STARD13: variants seen among roughly 807,000 people sequenced by gnomAD.
The protein encoded by STARD13 is StAR related lipid transfer domain containing 13.
Under a neutral mutation model 106.4 loss-of-function variants are expected in STARD13, and 62 were observed. The observed-to-expected ratio is 0.58, with a 90% confidence interval of 0.48 to 0.72. STARD13 has a LOEUF of 0.72. Ranked by LOEUF, STARD13 falls within the 30% of genes least tolerant of loss-of-function variation. The pLI is 0.00. For missense variants in STARD13, 1,387 were observed against 1,424.0 expected, an observed-to-expected ratio of 0.97 and a Z score of 0.42; for synonymous variants, 565 against 553.0, an observed-to-expected ratio of 1.02 and a Z score of -0.31.
chr13:33,636,472 C>T, the STARD13 span, among the ~76,000 whole-genome samples: 1 of 152,068 alleles, frequency 6.6e-6, no homozygotes, highest in Non-Finnish European at 1.5e-5. Flanking sequence ...GATGGGACAC[C>T]AGGGCAATAG....
chr13:33,485,156 A>G, the STARD13 span, among the ~76,000 whole-genome samples: 1 of 152,312 alleles, frequency 6.6e-6, no homozygotes, highest in African/African-American at 2.4e-5. Flanking sequence ...TGCAAATGCA[A>G]TTAGTGGAAA....
chr13:33,433,130 C>T, the STARD13 span, among the ~76,000 whole-genome samples: 11 of 152,136 alleles, frequency 7.2e-5, no homozygotes, highest in Non-Finnish European at 1.0e-4. Flanking sequence ...ATTGATACTT[C>T]GGTGCTTCTG....
intron 1 of STARD13, among the ~76,000 whole-genome samples, chr13:33,307,011 T>G (rs1239434705): frequency 6.6e-6 from 1 of 151,748 alleles, no homozygotes; most frequent in Non-Finnish European, 1.5e-5. Context: ...GAACAGACAT[T>G]TCTCAAAAGA....
At chr13:33,414,071 G>A in the STARD13 span, among the ~76,000 whole-genome samples, 2 of 147,158 alleles carry the variant, frequency 1.4e-5, no homozygotes, top group Middle Eastern at 3.3e-3. Flanking sequence ...AAGGAAACAC[G>A]TAAGATGCTC....
At chr13:33,145,663 C>T (rs1466742141) in intron 3 of STARD13, among the ~76,000 whole-genome samples, 4 of 152,030 alleles carry the variant, frequency 2.6e-5, no homozygotes, top group African/African-American at 9.7e-5. Flanking sequence ...GTGGTATATC[C>T]ATACAATGGA....
At chr13:33,509,822 C>A in the STARD13 span, among the ~76,000 whole-genome samples, 1 of 152,162 alleles carries the variant, frequency 6.6e-6, no homozygotes, top group East Asian at 1.9e-4. Flanking sequence ...TTTTCAGTGC[C>A]CAAACCCACA....
chr13:33,571,789 C>G, the STARD13 span, among the ~76,000 whole-genome samples: 169 of 152,228 alleles, frequency 1.1e-3, 2 homozygotes, highest in African/African-American at 3.7e-3. Flanking sequence ...TGCTGTTTGA[C>G]TATATGTATA....
chr13:33,284,765 T>C (rs1891972058), intron 1 of STARD13, among the ~76,000 whole-genome samples: 1 of 152,038 alleles, frequency 6.6e-6, no homozygotes, highest in Non-Finnish European at 1.5e-5. Flanking sequence ...TTTAGTAATG[T>C]CCAGACTTCC....
In STARD13 at chr13:33,105,564, C is replaced by T. The variant is rs1486632541; in HGVS notation, c.*29G>A. On this transcript the variant is annotated 3_prime_UTR_variant, in exon 14 of 14. Transcript: ENST00000336934. ...CACTCGTCACTTTAGCTTCCTCTTC[C>T]CTGAGTTTGATGTCACACTGGGCAA... is the stretch of plus-strand genomic sequence containing the variant. 5 of 1,489,170 alleles carry T rather than the reference C, an allele frequency of 3.4e-6. No homozygotes were observed. The highest frequency in any genetic ancestry group is 4.7e-6 in the Non-Finnish European group (5 of 1,065,910). 92.2% of individuals were successfully genotyped at this position (1,489,170 alleles called of 1,614,324 possible).
chr13:33,483,934 G>T, the STARD13 span, among the ~76,000 whole-genome samples: 1 of 152,208 alleles, frequency 6.6e-6, no homozygotes, highest in African/African-American at 2.4e-5. Flanking sequence ...AAAATGAAAT[G>T]AGACATTTGC....
chr13:33,406,990 T>C, the STARD13 span, among the ~76,000 whole-genome samples: 83 of 152,196 alleles, frequency 5.5e-4, no homozygotes, highest in Non-Finnish European at 1.0e-3. Flanking sequence ...GGATTGACTG[T>C]ACACAGAAAT....
the STARD13 span, among the ~76,000 whole-genome samples, chr13:33,559,948 G>T: frequency 2.6e-5 from 4 of 151,558 alleles, no homozygotes; most frequent in Non-Finnish European, 5.9e-5. Flanking sequence ...CCCTCAACAA[G>T]AACTAAATGT....
the STARD13 span, among the ~76,000 whole-genome samples, chr13:33,549,617 TATC>T: frequency 6.6e-6 from 1 of 152,228 alleles, no homozygotes; most frequent in Non-Finnish European, 1.5e-5. Context: ...TCATCACTAT[TATC>T]ATAATCACCT....
At position 33,143,967 on chromosome 13, in the gene STARD13, T is replaced by C. The variant is rs532482435; in HGVS notation, c.324-1594A>G. ...TACCCATCATTCCTTGAAATTCTTT[T>C]CATCCTTGACATTCAAGATTATGAA... On this transcript the variant is annotated intron_variant, in intron 3 of 13. Transcript: ENST00000336934. 2.6e-5 allele frequency among the ~76,000 whole-genome samples: 4 copies of C among 152,370 alleles called. No homozygotes were observed. The East Asian group carries it at 7.7e-4, about 29-fold the overall frequency.
At position 33,171,338 on chromosome 13, in the gene STARD13, T is replaced by C. The variant is rs1883933080; in HGVS notation, c.170-3716A>G. Among the ~76,000 whole-genome samples, 15 of 152,306 alleles carry C rather than the reference T, an allele frequency of 9.8e-5. No individual in the cohort carries two copies. The South Asian group carries it at 3.1e-3, about 32-fold the overall frequency. On this transcript the variant is annotated intron_variant, in intron 1 of 13. Transcript: ENST00000336934. Reference sequence around the variant, plus strand: ...GGACCTGGACAGAAGGGCCCACCAATCTCTACGGAGGTTACTGTGCTGCTT... The same window carrying C: ...GGACCTGGACAGAAGGGCCCACCAACCTCTACGGAGGTTACTGTGCTGCTT...
At chr13:33,429,381 G>A in the STARD13 span, among the ~76,000 whole-genome samples, 1 of 152,154 alleles carries the variant, frequency 6.6e-6, no homozygotes, top group Non-Finnish European at 1.5e-5. Flanking sequence ...CGGATCACGA[G>A]GTCAGCAGAT....
At chr13:33,621,572 C>T in the STARD13 span, among the ~76,000 whole-genome samples, 4 of 147,022 alleles carry the variant, frequency 2.7e-5, no homozygotes, top group East Asian at 4.2e-4. Context: ...CCCAGCTACT[C>T]GGGAGGCTGA....
At chr13:33,458,040 A>C in the STARD13 span, among the ~76,000 whole-genome samples, 3 of 152,190 alleles carry the variant, frequency 2.0e-5, no homozygotes, top group African/African-American at 7.2e-5. Context: ...ATAGAATCAC[A>C]GCATTTCCAT....
chr13:33,340,135 G>A (rs569724634), intron 1 of STARD13, among the ~76,000 whole-genome samples: 4 of 152,274 alleles, frequency 2.6e-5, no homozygotes, highest in South Asian at 2.1e-4. Context: ...AATTTGTTAC[G>A]CTTTTTATGA....
Sources: gnomAD v4.1 joint callset for allele counts (sites outside exome capture counted in the v4.1 genomes callset) on GRCh38, gnomAD v4.1.1 for gene constraint, MANE v1.5 for transcripts, NCBI Gene and HGNC (gene_info 2026-07-23, HGNC 2026-07-21) for gene names.